Variants in C9 observed in about 807,000 individuals in gnomAD.
C9 encodes complement C9.
A neutral mutation model predicts 65.4 loss-of-function variants in C9; 63 were observed. That is an observed-to-expected ratio of 0.96 (90% CI 0.79 to 1.19). C9 has a LOEUF of 1.19. C9 is among the 50% of genes most tolerant of loss of function. The pLI is 0.00. For synonymous variants in C9, 229 were observed against 227.9 expected, an observed-to-expected ratio of 1.00 and a Z score of -0.04; for missense variants, 744 against 670.1, an observed-to-expected ratio of 1.11 and a Z score of -1.22.
At chr5:39,355,659 C>T (rs1479214690) in intron 1 of C9, among the ~76,000 whole-genome samples, 1 of 152,184 alleles carries the variant, frequency 6.6e-6, no homozygotes, top group Non-Finnish European at 1.5e-5. Context: ...ATGTTAAGCT[C>T]AGTGTATGAG....
chr5:39,327,599 G>C (rs1368747922), intron 5 of C9, among the ~76,000 whole-genome samples: 2 of 152,148 alleles, frequency 1.3e-5, no homozygotes, highest in Admixed American at 1.3e-4. Context: ...GCAGGAAATT[G>C]GGAGTAAGAT....
At chr5:39,295,619 G>T (rs1376091076) in intron 9 of C9, among the ~76,000 whole-genome samples, 1 of 151,552 alleles carries the variant, frequency 6.6e-6, no homozygotes, top group Non-Finnish European at 1.5e-5. Flanking sequence ...CAGATTCAGT[G>T]CAATCTCTAT....
intron 6 of C9, among the ~76,000 whole-genome samples, chr5:39,312,567 A>T (rs1383901795): frequency 6.6e-6 from 1 of 152,142 alleles, no homozygotes; most frequent in Non-Finnish European, 1.5e-5. Flanking sequence ...AGTCAGCCTA[A>T]GCAACTCAAC....
intron 1 of C9, among the ~76,000 whole-genome samples, chr5:39,358,703 G>A (rs537432570): frequency 2.0e-5 from 3 of 151,854 alleles, no homozygotes; most frequent in East Asian, 1.9e-4. Context: ...AGATAGTACC[G>A]GGCCGGGCGC....
intron 9 of C9, among the ~76,000 whole-genome samples, chr5:39,306,249 C>G (rs933613535): frequency 2.6e-5 from 4 of 151,416 alleles, no homozygotes; most frequent in African/African-American, 9.7e-5. Flanking sequence ...AAGGCAAGAA[C>G]AGCCAGGGGC....
chr5:39,321,391 T>C (rs1753665541), intron 5 of C9, among the ~76,000 whole-genome samples: 1 of 151,928 alleles, frequency 6.6e-6, no homozygotes, highest in Admixed American at 6.6e-5. Flanking sequence ...TGGTAACTCA[T>C]GAAAACCACA....
chr5:39,328,052 G>C lies in C9; in HGVS notation c.615+3624C>G, dbSNP rs545912415. 1.7e-4 allele frequency among the ~76,000 whole-genome samples: 26 copies of C among 152,184 alleles called. No homozygotes were observed. In the South Asian group the frequency reaches 4.2e-3, roughly 24 times the overall value. On this transcript the variant is annotated intron_variant, in intron 5 of 10. Transcript: ENST00000263408. ...CCCTTGAAAAAGATTTATATATGAA[G>C]GCCAGAGTGGAAGGAAAAAGAGGGA... is the stretch of plus-strand genomic sequence containing the variant.
chr5:39,317,429 C>T (rs1240017992), intron 5 of C9, among the ~76,000 whole-genome samples: 1 of 152,106 alleles, frequency 6.6e-6, no homozygotes, highest in Non-Finnish European at 1.5e-5. Context: ...TGCCTGTGTC[C>T]TGAATGGTAT....
At chr5:39,333,162 T>G (rs968511999) in intron 4 of C9, among the ~76,000 whole-genome samples, 4 of 137,724 alleles carry the variant, frequency 2.9e-5, no homozygotes, top group Admixed American at 7.6e-5. Flanking sequence ...GATTTATTTT[T>G]TTAAACACCT....
chr5:39,286,568 T>C (rs1752994849), intron 10 of C9, among the ~76,000 whole-genome samples: 1 of 151,872 alleles, frequency 6.6e-6, no homozygotes, highest in African/African-American at 2.4e-5. Context: ...AGCAAATGGA[T>C]CGACTATACA....
intron 4 of C9, among the ~76,000 whole-genome samples, chr5:39,335,681 T>G (rs1034272204): frequency 2.0e-5 from 3 of 152,208 alleles, no homozygotes; most frequent in African/African-American, 7.2e-5. Flanking sequence ...TGGGAGGTCC[T>G]GGAACCGATC....
chr5:39,326,956 T>G (rs1436968521), intron 5 of C9, among the ~76,000 whole-genome samples: 1 of 152,182 alleles, frequency 6.6e-6, no homozygotes, highest in African/African-American at 2.4e-5. Flanking sequence ...ATTCATTCAA[T>G]AGGCATTTAT....
chr5:39,351,549 T>G (rs1391374768), intron 1 of C9, among the ~76,000 whole-genome samples: 1 of 152,174 alleles, frequency 6.6e-6, no homozygotes, highest in Admixed American at 6.5e-5. Flanking sequence ...TCTGAACACT[T>G]TGTTGCTTAG....
intron 5 of C9, among the ~76,000 whole-genome samples, chr5:39,321,023 C>T (rs1415333491): frequency 4.6e-5 from 7 of 151,860 alleles, no homozygotes; most frequent in Admixed American, 2.0e-4. Flanking sequence ...ATAAGAAATG[C>T]TAAAGGGAGT....
rs1170028330 is a variant in C9 at position 39,331,573 on chromosome 5, A to C, written c.615+103T>G. On this transcript the variant is annotated intron_variant, in intron 5 of 10. Transcript: ENST00000263408. ...TTCTTTAAGTCTTGTGTTCATGTGA[A>C]ATTATTATTCTACTGAGTTTTTCAC... 7.1e-6 allele frequency: 7 copies of C among 991,610 alleles called. No homozygotes were observed. The African/African-American group carries it at 1.1e-4, about 16-fold the overall frequency. The allele number at this position is 991,610 out of a possible 1,614,324, so 61.4% of individuals were successfully genotyped here. A position where few individuals can be genotyped will look rare whatever the true frequency, so the allele number is the denominator to read the frequency against.
At chr5:39,323,688 A>T in intron 5 of C9, among the ~76,000 whole-genome samples, 1 of 152,008 alleles carries the variant, frequency 6.6e-6, no homozygotes. Context: ...AATAAAGGCC[A>T]TATACAACAA....
chr5:39,303,806 T>C (rs1338472120), intron 9 of C9, among the ~76,000 whole-genome samples: 1 of 151,990 alleles, frequency 6.6e-6, no homozygotes, highest in Non-Finnish European at 1.5e-5. Context: ...ATCCCAAAGA[T>C]AGTCATGCTA....
intron 9 of C9, among the ~76,000 whole-genome samples, chr5:39,303,081 T>C (rs1753311048): frequency 6.6e-6 from 1 of 152,146 alleles, no homozygotes; most frequent in African/African-American, 2.4e-5. Flanking sequence ...CTAGAAGAAA[T>C]AATAATCTTT....
At chr5:39,340,521 T>C (rs1754056241) in intron 4 of C9, among the ~76,000 whole-genome samples, 1 of 152,214 alleles carries the variant, frequency 6.6e-6, no homozygotes, top group Non-Finnish European at 1.5e-5. Flanking sequence ...TGTATAATCC[T>C]GAGTTCTAAA....
Sources: allele counts gnomAD v4.1 joint callset (sites outside exome capture counted in the v4.1 genomes callset), GRCh38; gene constraint gnomAD v4.1.1; transcripts MANE v1.5; gene names NCBI Gene and HGNC (gene_info 2026-07-23, HGNC 2026-07-21).